ZFC3H1: variants seen among roughly 807,000 people sequenced by gnomAD.
The protein encoded by ZFC3H1 is zinc finger C3H1 domain-containing protein.
Under a neutral mutation model 243.7 loss-of-function variants are expected in ZFC3H1, and 71 were observed. The observed-to-expected ratio is 0.29, with a 90% confidence interval of 0.24 to 0.36. ZFC3H1 has a LOEUF of 0.36. Among genes scored for constraint, ZFC3H1 ranks in the 10% least tolerant of loss-of-function variants. The pLI is 1.00. For missense variants in ZFC3H1, 1,966 were observed against 2,317.1 expected (o/e 0.85, Z 3.11); for synonymous variants, 838 against 813.0 (o/e 1.03, Z -0.52).
In ZFC3H1 at chr12:71,637,059, A is replaced by C; in HGVS notation, c.1726T>G (p.Ser576Ala). 1.3e-6 allele frequency: 2 copies of C among 1,599,524 alleles called. No homozygotes were observed. The highest frequency in any genetic ancestry group is 1.7e-6 in the Non-Finnish European group (2 of 1,175,968). ...LSLPPPPQVS[S>A]LPPLSQPYVE... is the part of the protein sequence containing the mutation. Reference sequence around the variant, plus strand: ...TAAGGCTGGCTCAAAGGTGGCAGAGACTATTTTTTAAAAAAAGAAAGAATT... The same window carrying C: ...TAAGGCTGGCTCAAAGGTGGCAGAGCCTATTTTTTAAAAAAAGAAAGAATT... Residue 576 changes from serine (S) to alanine (A), a missense_variant and splice_region_variant, in exon 8 of 35, where the codon TCT becomes GCT. Transcript: ENST00000378743.
At chr12:71,659,308 T>C (rs1005119886) in intron 1 of ZFC3H1, among the ~76,000 whole-genome samples, 2 of 152,190 alleles carry the variant, frequency 1.3e-5, no homozygotes, top group Non-Finnish European at 2.9e-5. Context: ...ATTTCCCTAA[T>C]AAAAAAGTCC....
At chr12:71,659,181 GGA>G (rs1328807722) in intron 1 of ZFC3H1, among the ~76,000 whole-genome samples, 2 of 151,130 alleles carry the variant, frequency 1.3e-5, no homozygotes, top group Non-Finnish European at 2.9e-5. Context: ...ACCTACCACA[GGA>G]GAGTTTACCC....
intron 28 of ZFC3H1, 126 bp from the exon 29 acceptor site, chr12:71,615,064 G>GTA (rs755703421): frequency 4.5e-6 from 5 of 1,104,792 alleles, no homozygotes; most frequent in Non-Finnish European, 6.7e-6. Flanking sequence ...TTCTTCTCTA[G>GTA]TATATACTAA....
At chr12:71,658,282 A>ATTTTTTTT (rs11454442) in intron 1 of ZFC3H1, among the ~76,000 whole-genome samples, 7 of 92,804 alleles carry the variant, frequency 7.5e-5, no homozygotes, top group Non-Finnish European at 9.9e-5. Context: ...TCATTTATAG[A>ATTTTTTTT]TTTTTTTTTT....
chr12:71,651,231 A>G (rs551899741), intron 2 of ZFC3H1, among the ~76,000 whole-genome samples: 2 of 152,266 alleles, frequency 1.3e-5, no homozygotes, highest in Admixed American at 6.5e-5. Flanking sequence ...TTTGCATAGG[A>G]GCCTCTTCCA....
Position 71,663,478 on chromosome 12 carries a change from T to C in ZFC3H1, c.133A>G (p.Ser45Gly), listed in dbSNP as rs759268830. The C allele has an allele frequency of 2.7e-5, 43 of 1,609,130 alleles. No individual in the cohort carries two copies. The East Asian group carries it at 4.7e-4, about 18-fold the overall frequency. ...QIRSRSSSSS[S>G]GGGLLPYPRR... ...GGATAGGGTAACAGCCCGCCGCCGC[T>C]GCTGCTGCTGCTGCTCCGACTCCGT... Residue 45 changes from serine to glycine, a missense_variant, in exon 1 of 35, where the codon AGC becomes GGC. Transcript: ENST00000378743.
chr12:71,629,157 A>AT (rs201091738), intron 19 of ZFC3H1, 120 bp from the exon 20 acceptor site: 35,244 of 640,464 alleles, frequency 0.055, 5 homozygotes, highest in Middle Eastern at 0.062. Context: ...AATGATACGT[A>AT]TTTTTTTTTT....
rs79722349 is a variant in ZFC3H1, at chr12:71,659,915, G to C, written c.599-2614C>G. On this transcript the variant is annotated intron_variant, in intron 1 of 34. Transcript: ENST00000378743. ...TCTCCTCAGATTTGAAAGTTTAAAA[G>C]AGTAGTCATTCAAGGGAGACATGCT... Among the ~76,000 whole-genome samples the C allele has an allele frequency of 2.5e-3, 388 of 152,320 alleles. 2 individuals are homozygous for C. Among genetic ancestry groups the C allele is most frequent in the African/African-American group, 9.0e-3 (376 of 41,586 alleles).
At chr12:71,626,524 A>T in intron 21 of ZFC3H1, 78 bp from the exon 22 acceptor site, 1 of 1,241,120 alleles carries the variant, frequency 8.1e-7, no homozygotes, top group Non-Finnish European at 1.1e-6. Flanking sequence ...CCAATGAGTC[A>T]ATTTTAAAAT....
At chr12:71,613,513 A>G in intron 30 of ZFC3H1, 78 bp from the exon 31 acceptor site, 1 of 908,320 alleles carries the variant, frequency 1.1e-6, no homozygotes, top group Non-Finnish European at 1.7e-6. Context: ...TAACACGAAA[A>G]CCAAAATGGT....
chr12:71,620,012 C>T lies in ZFC3H1; in HGVS notation c.4963G>A (p.Ala1655Thr). The stretch of plus-strand genomic sequence containing the variant: ...AATGCAGTAAGCCACACTGCTCTGG[C>T]TTTGTCATGCTGATTTGTTTGCAAA... ...LYLQTNQHDK[A>T]RAVWLTAFEK... is the part of the protein sequence containing the mutation. The change falls in exon 26 of 35, where the codon GCC becomes ACC. Residue 1655 changes from alanine to threonine, a missense_variant. Around this residue, in one of 4 missense-constraint regions of ZFC3H1, gnomAD observed 1,383 missense variants for 1,723.7 expected, o/e 0.80. Coordinates refer to ENST00000378743, the MANE Select transcript of ZFC3H1 (RefSeq NM_144982.5). The T allele has an allele frequency of 6.2e-7, 1 of 1,613,474 alleles. No homozygotes were observed. The highest frequency in any genetic ancestry group is 8.5e-7 in the Non-Finnish European group (1 of 1,179,860).
In ZFC3H1 at chr12:71,657,082, T is replaced by C. The variant is rs1245310596; in HGVS notation, c.818A>G (p.Asp273Gly). ...TGAATCCTTTGTAATACTGACATTA[T>C]CAGTGCTAGTTTGGTCCTCGAAGTT... ...TLNFEDQTST[D>G]NVSITKDSSK... is the part of the protein sequence containing the mutation. The change falls in exon 2 of 35, where the codon GAT (aspartate) becomes GGT (glycine). Residue 273 changes from aspartate to glycine, a missense_variant. Around this residue, in one of 4 missense-constraint regions of ZFC3H1, gnomAD observed 484 missense variants for 449.7 expected, o/e 1.08. Coordinates refer to ENST00000378743, the MANE Select transcript of ZFC3H1 (RefSeq NM_144982.5). 1.2e-6 allele frequency: 2 copies of C among 1,613,856 alleles called. No homozygotes were observed. Among genetic ancestry groups the C allele is most frequent in the South Asian group, 1.1e-5 (1 of 91,084 alleles).
chr12:71,657,378 T>C (rs1881048190), intron 1 of ZFC3H1, 77 bp from the exon 2 acceptor site: 1 of 1,053,456 alleles, frequency 9.5e-7, no homozygotes, highest in Non-Finnish European at 1.3e-6. Flanking sequence ...AGATTATAGA[T>C]GAATTTTCTC....
rs191371199 is a variant in ZFC3H1, at chr12:71,644,405, A to T, written c.1280-87T>A. 232 of 1,371,024 alleles carry T rather than the reference A, an allele frequency of 1.7e-4. 3 individuals carry two copies. The East Asian group carries it at 4.2e-3, about 25-fold the overall frequency. 84.9% of individuals were successfully genotyped at this position (1,371,024 alleles called of 1,614,324 possible). On this transcript the variant is annotated intron_variant, in intron 4 of 34. Transcript: ENST00000378743. ...TTAAAAAATATTTTCATTATTGATT[A>T]ATCAGTGATGATGCTCCTAAGTTGT...
chr12:71,653,643 T>C (rs1880944694), intron 2 of ZFC3H1, among the ~76,000 whole-genome samples: 1 of 152,204 alleles, frequency 6.6e-6, no homozygotes, highest in African/African-American at 2.4e-5. Context: ...AAAAAGATTA[T>C]CTTCAAATTG....
At position 71,647,741 on chromosome 12, in the gene ZFC3H1, T is replaced by C. The variant is rs768859661; in HGVS notation, c.1080+8A>G. 1 of 1,465,588 alleles carries C rather than the reference T, an allele frequency of 6.8e-7. No homozygotes were observed. Among genetic ancestry groups the C allele is most frequent in the South Asian group, 1.2e-5 (1 of 80,342 alleles). The allele number at this position is 1,465,588 out of a possible 1,614,324, so 90.8% of individuals were successfully genotyped here. A position where few individuals can be genotyped will look rare whatever the true frequency, so the allele number is the denominator to read the frequency against. Reference sequence around the variant, plus strand: ...CAGAGATGATAGTCTCACAAAGCAGTATCTTACCTTTTCAGACAGAATATC... The same window carrying C: ...CAGAGATGATAGTCTCACAAAGCAGCATCTTACCTTTTCAGACAGAATATC... On this transcript the variant is annotated splice_region_variant and intron_variant, in intron 3 of 34. Transcript: ENST00000378743.
In ZFC3H1 at chr12:71,613,450, G is replaced by C. The variant is rs371802018; in HGVS notation, c.5527-15C>G. On this transcript the variant is annotated splice_polypyrimidine_tract_variant and intron_variant, in intron 30 of 34. Coordinates refer to ENST00000378743, the MANE Select transcript of ZFC3H1 (RefSeq NM_144982.5). ...AAGAAAATAACCTGTAAAGGTTGAG[G>C]GGGGCGAAAAATGAATGCAACCAAA... The C allele has an allele frequency of 1.3e-6, 2 of 1,562,224 alleles. No individual in the cohort carries two copies. The highest frequency in any genetic ancestry group is 1.2e-5 in the South Asian group (1 of 84,402).
intron 2 of ZFC3H1, among the ~76,000 whole-genome samples, chr12:71,654,101 GT>G (rs1474777647): frequency 1.3e-5 from 2 of 151,770 alleles, no homozygotes; most frequent in Non-Finnish European, 2.9e-5. Context: ...AACGGAAATC[GT>G]TTTCCACCCA....
Position 71,633,348 on chromosome 12 carries a change from C to G in ZFC3H1, c.2601G>C (p.Lys867Asn). The G allele has an allele frequency of 6.2e-7, 1 of 1,603,372 alleles. No homozygotes were observed. The highest frequency in any genetic ancestry group is 1.1e-5 in the South Asian group (1 of 88,994). ...GAAGCTGTTCTGTAAGTTTTGTAAT[C>G]TTTGCTTCAGCATTTCTAACAGATT... ...KKESVRNAEA[K>N]ITKLTEQLQA... The change falls in exon 13 of 35, where the codon AAG (lysine) becomes AAC (asparagine). Residue 867 changes from lysine (K) to asparagine (N), a missense_variant. Lys to Asn is a moderately conservative substitution (Grantham distance 94). Transcript: ENST00000378743.
Sources: gnomAD v4.1 joint callset for allele counts (sites outside exome capture counted in the v4.1 genomes callset) on GRCh38, gnomAD v4.1.1 for gene constraint, gnomAD v4.1.1 regional missense constraint, MANE v1.5 for transcripts, NCBI Gene and HGNC (gene_info 2026-07-23, HGNC 2026-07-21) for gene names.